Variants in ACAN observed in about 807,000 individuals in gnomAD.
ACAN encodes aggrecan, also known as aggrecan core protein.
ACAN carries 47 observed loss-of-function variants against 169.1 expected under a neutral mutation model. The observed-to-expected ratio is 0.28, with a 90% CI of 0.22 to 0.35. ACAN has a LOEUF of 0.35. ACAN is among the 10% of genes least tolerant of loss of function. ACAN has a pLI of 1.00. For missense variants in ACAN, 2,716 were observed against 2,759.9 expected (o/e 0.98, Z 0.36); for synonymous variants, 1,115 against 1,112.2 (o/e 1.00, Z -0.05).
chr15:88,875,274 C>T lies in ACAN; in HGVS notation c.*793C>T, dbSNP rs575930549. On this transcript the variant is annotated 3_prime_UTR_variant, in exon 19 of 19. Coordinates refer to ENST00000560601, the MANE Select transcript of ACAN (RefSeq NM_001369268.1). The surrounding 1 kb of genome is among the most constrained non-coding windows in gnomAD (Gnocchi z 4.8). The stretch of plus-strand genomic sequence containing the variant: ...CCCCGCCCCCGGGACCGTGCAGGCA[C>T]CAGGGTTCCGTGCACCTATTTATAT... 3 of 151,066 alleles carry T rather than the reference C, an allele frequency of 2.0e-5. No individual in the cohort carries two copies. The highest frequency in any genetic ancestry group is 1.3e-4 in the Admixed American group (2 of 15,184). 9.4% of individuals were successfully genotyped at this position (151,066 alleles called of 1,614,324 possible).
chr15:88,849,868 C>T lies in ACAN; in HGVS notation c.2026+137C>T, dbSNP rs753486279. The T allele has an allele frequency of 1.0e-5, 13 of 1,254,348 alleles. No homozygotes were observed. The highest frequency in any genetic ancestry group is 1.5e-5 in the Non-Finnish European group (13 of 884,840). 77.7% of individuals were successfully genotyped at this position (1,254,348 alleles called of 1,614,324 possible). On this transcript the variant is annotated intron_variant, in intron 10 of 18. Transcript: ENST00000560601. The surrounding 1 kb of genome is among the most constrained non-coding windows in gnomAD (Gnocchi z 5.1). ...CAGTCCCTCTGGGGCAGAGCCAGCT[C>T]TGAAACCAGCACAACGCAGGCTTTG...
rs373374575 is a variant in ACAN at position 88,858,364 on chromosome 15, A to G, written c.5779A>G (p.Thr1927Ala). ...LPSGAYYGSGTPSSFPTVSLV... is the reference protein window; with the variant it reads ...LPSGAYYGSGAPSSFPTVSLV... ...CTCGGGAGCATATTATGGCAGTGGA[A>G]CTCCATCTAGTTTCCCCACTGTCTC... Residue 1927 changes from threonine to alanine, a missense_variant, in exon 12 of 19, where the codon ACT becomes GCT. Physicochemically the swap from Thr to Ala is moderately conservative, Grantham distance 58. Transcript: ENST00000560601. This position sits in a 1 kb window ranked among gnomAD's most constrained non-coding sequence, Gnocchi z 4.0. 73 of 1,613,730 alleles carry G rather than the reference A, an allele frequency of 4.5e-5. No homozygotes were observed. In the Admixed American group the frequency reaches 9.7e-4, roughly 21 times the overall value.
chr15:88,834,620 G>C (rs1023877037), intron 1 of ACAN, among the ~76,000 whole-genome samples: 1 of 152,226 alleles, frequency 6.6e-6, no homozygotes, highest in Admixed American at 6.5e-5. Flanking sequence ...CCGCTCCAAG[G>C]TTCCCTCCCT....
Position 88,868,079 on chromosome 15 carries a change from A to C in ACAN, c.6947-137A>C, listed in dbSNP as rs1249071993. The C allele has an allele frequency of 1.6e-6, 1 of 621,908 alleles. No homozygotes were observed. Among genetic ancestry groups the C allele is most frequent in the Non-Finnish European group, 2.9e-6 (1 of 348,160 alleles). 38.5% of individuals were successfully genotyped at this position (621,908 alleles called of 1,614,324 possible). A position where few individuals can be genotyped will look rare whatever the true frequency, so the allele number is the denominator to read the frequency against. On this transcript the variant is annotated intron_variant, in intron 13 of 18. Transcript: ENST00000560601. This position sits in a 1 kb window ranked among gnomAD's most constrained non-coding sequence, Gnocchi z 5.2. ...CAGCAGCAGCAGCAGCAGCAGCAACAGTTCTCAGGAAAACCAGCCAGTTCC... is the reference window on the plus strand; with the variant it reads ...CAGCAGCAGCAGCAGCAGCAGCAACCGTTCTCAGGAAAACCAGCCAGTTCC...
In ACAN at chr15:88,866,897, C is replaced by T. The variant is rs979004674; in HGVS notation, c.6947-1319C>T. Among the ~76,000 whole-genome samples, 2 of 152,220 alleles carry T rather than the reference C, an allele frequency of 1.3e-5. No homozygotes were observed. Among genetic ancestry groups the T allele is most frequent in the African/African-American group, 4.8e-5 (2 of 41,452 alleles). On this transcript the variant is annotated intron_variant, in intron 13 of 18. Coordinates refer to ENST00000560601, the MANE Select transcript of ACAN (RefSeq NM_001369268.1). The surrounding 1 kb of genome is among the most constrained non-coding windows in gnomAD (Gnocchi z 5.6). Reference sequence around the variant, plus strand: ...TTCGCTGTCCTGCAGAGCCCACCTACAGACATGTCACTGGATCTGGAAGGC... The same window carrying T: ...TTCGCTGTCCTGCAGAGCCCACCTATAGACATGTCACTGGATCTGGAAGGC...
In ACAN at chr15:88,874,780, A is replaced by G. The variant is rs560838194; in HGVS notation, c.*299A>G. ...TGCCTTTCCAGGGACCAGTGCAGGGACAGGGGGAGAAGGGGAGGGGTTAAG... is the reference window on the plus strand; with the variant it reads ...TGCCTTTCCAGGGACCAGTGCAGGGGCAGGGGGAGAAGGGGAGGGGTTAAG... On this transcript the variant is annotated 3_prime_UTR_variant, in exon 19 of 19. Transcript: ENST00000560601. The surrounding 1 kb of genome is among the most constrained non-coding windows in gnomAD (Gnocchi z 7.3). The G allele has an allele frequency of 2.2e-6, 1 of 454,310 alleles. No individual in the cohort carries two copies. The highest frequency in any genetic ancestry group is 4.6e-5 in the East Asian group (1 of 21,700). 28.1% of individuals were successfully genotyped at this position (454,310 alleles called of 1,614,324 possible). A position where few individuals can be genotyped will look rare whatever the true frequency, so the allele number is the denominator to read the frequency against.
intron 1 of ACAN, among the ~76,000 whole-genome samples, chr15:88,819,634 C>T (rs1022971141): frequency 2.0e-5 from 3 of 149,510 alleles, no homozygotes; most frequent in African/African-American, 4.9e-5. Flanking sequence ...GGTGTGGTGG[C>T]TCACACCTGT....
intron 1 of ACAN, among the ~76,000 whole-genome samples, chr15:88,821,687 T>G (rs544842745): frequency 6.6e-6 from 1 of 152,164 alleles, no homozygotes; most frequent in Non-Finnish European, 1.5e-5. Context: ...GGGAAAGCAG[T>G]GTCACTGAAG....
At chr15:88,820,119 A>C (rs1436139038) in intron 1 of ACAN, among the ~76,000 whole-genome samples, 1 of 152,202 alleles carries the variant, frequency 6.6e-6, no homozygotes, top group East Asian at 1.9e-4. Flanking sequence ...GCTGGGCACC[A>C]TGCTGGCATG....
intron 1 of ACAN, among the ~76,000 whole-genome samples, chr15:88,819,129 C>G (rs1415561117): frequency 6.6e-6 from 1 of 152,130 alleles, no homozygotes; most frequent in Non-Finnish European, 1.5e-5. Context: ...TCCGGACAGC[C>G]TTGCAGGGGA....
chr15:88,874,957 C>A lies in ACAN; in HGVS notation c.*476C>A, dbSNP rs371957402. On this transcript the variant is annotated 3_prime_UTR_variant, in exon 19 of 19. Coordinates refer to ENST00000560601, the MANE Select transcript of ACAN (RefSeq NM_001369268.1). The surrounding 1 kb of genome is among the most constrained non-coding windows in gnomAD (Gnocchi z 7.3). ...GCCTGAGAGCAGGAAGAACTCGGAA[C>A]CGCAGCTGAATGTATTGGATGAGAA... is the stretch of plus-strand genomic sequence containing the variant. 3.4e-6 allele frequency: 1 copy of A among 297,520 alleles called. No homozygotes were observed. The highest frequency in any genetic ancestry group is 8.7e-5 in the East Asian group (1 of 11,440). The allele number at this position is 297,520 out of a possible 1,614,324, so 18.4% of individuals were successfully genotyped here.
intron 1 of ACAN, among the ~76,000 whole-genome samples, chr15:88,816,689 C>T (rs1039750719): frequency 2.6e-5 from 4 of 152,174 alleles, no homozygotes; most frequent in African/African-American, 9.7e-5. Flanking sequence ...ATTTCTCAGT[C>T]TTTACTCACA....
At chr15:88,815,676 A>C in intron 1 of ACAN, among the ~76,000 whole-genome samples, 1 of 151,002 alleles carries the variant, frequency 6.6e-6, no homozygotes, top group South Asian at 2.1e-4. Context: ...AAAAAAAAAA[A>C]AAAAGAAGGA....
In ACAN at chr15:88,843,867, C is replaced by T. The variant is rs17200595; in HGVS notation, c.1051+219C>T. Among the ~76,000 whole-genome samples, 2,404 of 152,248 alleles carry T rather than the reference C, an allele frequency of 0.016. 48 individuals are homozygous for T. Among genetic ancestry groups the T allele is most frequent in the Non-Finnish European group, 0.019 (1,293 of 68,022 alleles). ...TGCAGCGTATCTAGCTCTGTCTCAT[C>T]GGATCAGCACAGACGAGGCTTAAAA... On this transcript the variant is annotated intron_variant, in intron 6 of 18. Coordinates refer to ENST00000560601, the MANE Select transcript of ACAN (RefSeq NM_001369268.1). This position sits in a 1 kb window ranked among gnomAD's most constrained non-coding sequence, Gnocchi z 4.0.
At position 88,869,705 on chromosome 15, in the gene ACAN, G is replaced by C. The variant is rs1409643959; in HGVS notation, c.7060+1376G>C. Among the ~76,000 whole-genome samples, 1 of 152,184 alleles carries C rather than the reference G, an allele frequency of 6.6e-6. No individual in the cohort carries two copies. The highest frequency in any genetic ancestry group is 1.5e-5 in the Non-Finnish European group (1 of 68,030). Reference sequence around the variant, plus strand: ...GCTCTGTACCCTGATGGGGCAGAGAGATGGTGACAGAGCCACCCAGCTCGG... The same window carrying C: ...GCTCTGTACCCTGATGGGGCAGAGACATGGTGACAGAGCCACCCAGCTCGG... On this transcript the variant is annotated intron_variant, in intron 14 of 18. Transcript: ENST00000560601. This position sits in a 1 kb window ranked among gnomAD's most constrained non-coding sequence, Gnocchi z 4.2.
chr15:88,818,504 C>G (rs2141509868), intron 1 of ACAN, among the ~76,000 whole-genome samples: 1 of 152,328 alleles, frequency 6.6e-6, no homozygotes. Context: ...CCCCAGTTCC[C>G]TTGTTTCTCT....
chr15:88,859,382 C>T lies in ACAN; in HGVS notation c.6797C>T (p.Pro2266Leu), dbSNP rs771258166. The change falls in exon 12 of 19, where the codon CCG (proline) becomes CTG (leucine). Residue 2266 changes from proline (P) to leucine (L), a missense_variant. Around this residue, in one of 3 missense-constraint regions of ACAN, gnomAD observed 1,389 missense variants for 1,363.7 expected, o/e 1.02. Coordinates refer to ENST00000560601, the MANE Select transcript of ACAN (RefSeq NM_001369268.1). ...ACAGATGCTTCCATCCCAGCTTCTCCGGAATGGAAACGTGAATCAGAATCA... is the reference window on the plus strand; with the variant it reads ...ACAGATGCTTCCATCCCAGCTTCTCTGGAATGGAAACGTGAATCAGAATCA... ...SPTDASIPAS[P>L]EWKRESESTA... 142 of 1,570,832 alleles carry T rather than the reference C, an allele frequency of 9.0e-5. No individual in the cohort carries two copies. Among genetic ancestry groups the T allele is most frequent in the South Asian group, 5.6e-4 (48 of 86,008 alleles).
rs57985365 is a variant in ACAN, at chr15:88,860,072, C to CTTTTTTTTTTTTTTT, written c.6833-247_6833-233dup. The stretch of plus-strand genomic sequence containing the variant: ...GCACTGGTAGCGGTAGCTGATTTTC[C>CTTTTTTTTTTTTTTT]TTTTTTTTTTTTTTTTTTTTTGCTC... On this transcript the variant is annotated intron_variant, in intron 12 of 18. Transcript: ENST00000560601. Among the ~76,000 whole-genome samples the CTTTTTTTTTTTTTTT allele has an allele frequency of 1.1e-4, 11 of 102,892 alleles. 1 individual carries two copies. The highest frequency in any genetic ancestry group is 4.7e-4 in the African/African-American group (10 of 21,164). The allele number at this position is 102,892 out of a possible 152,430, so 67.5% of individuals were successfully genotyped here.
chr15:88,849,806 A>AC lies in ACAN; in HGVS notation c.2026+77dup. 2 of 1,538,710 alleles carry AC rather than the reference A, an allele frequency of 1.3e-6. No homozygotes were observed. The highest frequency in any genetic ancestry group is 1.8e-6 in the Non-Finnish European group (2 of 1,131,612). Reference sequence around the variant, plus strand: ...CCCACTGGGTTCACCGGATCCTGCCACCACCCAGTATCCCATCCATCAGAG... The same window carrying AC: ...CCCACTGGGTTCACCGGATCCTGCCACCCACCCAGTATCCCATCCATCAGAG... On this transcript the variant is annotated intron_variant, in intron 10 of 18. Coordinates refer to ENST00000560601, the MANE Select transcript of ACAN (RefSeq NM_001369268.1). This position sits in a 1 kb window ranked among gnomAD's most constrained non-coding sequence, Gnocchi z 5.1.
Sources: allele counts gnomAD v4.1 joint callset (sites outside exome capture counted in the v4.1 genomes callset), GRCh38; gene constraint gnomAD v4.1.1; regional missense constraint gnomAD v4.1.1; non-coding constraint Gnocchi (gnomAD v3.1); transcripts MANE v1.5; gene names NCBI Gene and HGNC (gene_info 2026-07-23, HGNC 2026-07-21).